The following SPECC1 variants were observed in gnomAD, a reference collection of about 807,000 sequenced individuals.
The protein encoded by SPECC1 is sperm antigen with calponin homology and coiled-coil domains 1.
Under a neutral mutation model 104.1 loss-of-function variants are expected in SPECC1, and 62 were observed. That is an observed-to-expected ratio of 0.60 (90% CI 0.49 to 0.74). The LOEUF (loss-of-function observed/expected upper bound fraction) is 0.74. SPECC1 is among the 30% of genes least tolerant of loss of function. SPECC1 has a pLI of 0.00. For synonymous variants in SPECC1, 513 were observed against 501.6 expected (o/e 1.02, Z -0.30); for missense variants, 1,306 against 1,310.5 (o/e 1.00, Z 0.05).
At chr17:20,297,737 G>A (rs2142039298) in intron 13 of SPECC1, among the ~76,000 whole-genome samples, 1 of 152,284 alleles carries the variant, frequency 6.6e-6, no homozygotes, top group East Asian at 1.9e-4. Context: ...TGGGACAGCA[G>A]TTTGCCAACC....
At chr17:20,164,496 G>A (rs1220410135) in intron 3 of SPECC1, among the ~76,000 whole-genome samples, 1 of 151,578 alleles carries the variant, frequency 6.6e-6, no homozygotes, top group Non-Finnish European at 1.5e-5. Flanking sequence ...GTTTGCTGAG[G>A]TTTTTTTTAA....
Position 20,110,616 on chromosome 17 carries a change from A to C in SPECC1, c.283+54A>C. The C allele has an allele frequency of 2.6e-6, 4 of 1,545,104 alleles. No homozygotes were observed. In the South Asian group the frequency reaches 4.9e-5, roughly 19 times the overall value. ...CAGGCCATCAGTCCTGGCCGCATGG[A>C]AGCACTTCAGTGACCCATGACCCAT... On this transcript the variant is annotated intron_variant, in intron 3 of 14. Coordinates refer to ENST00000395527, the MANE Select transcript of SPECC1 (RefSeq NM_001243439.2).
intron 7 of SPECC1, among the ~76,000 whole-genome samples, chr17:20,234,231 C>CT (rs1218964328): frequency 6.6e-6 from 1 of 152,146 alleles, no homozygotes. Context: ...ACCTCCCAAT[C>CT]TAACAGTTTA....
chr17:20,129,486 C>A (rs2049494878), intron 3 of SPECC1, among the ~76,000 whole-genome samples: 5 of 152,092 alleles, frequency 3.3e-5, no homozygotes, highest in Admixed American at 2.6e-4. Flanking sequence ...CCGCGCCCAG[C>A]CAGATTTCTT....
intron 1 of SPECC1, among the ~76,000 whole-genome samples, chr17:20,081,712 G>T (rs1222205471): frequency 2.6e-5 from 4 of 152,120 alleles, no homozygotes; most frequent in Non-Finnish European, 5.9e-5. Context: ...GAGCCCACGG[G>T]TGCAGCGTTC....
At chr17:20,216,878 G>A (rs1289672969) in intron 4 of SPECC1, among the ~76,000 whole-genome samples, 2 of 152,190 alleles carry the variant, frequency 1.3e-5, no homozygotes, top group Non-Finnish European at 2.9e-5. Flanking sequence ...GAGCTGGCCA[G>A]TCAGACATGT....
chr17:20,104,931 T>C (rs984677871), intron 2 of SPECC1, among the ~76,000 whole-genome samples: 14 of 152,152 alleles, frequency 9.2e-5, no homozygotes, highest in Admixed American at 6.5e-4. Context: ...AAGATGCTTC[T>C]GTTGCTGCCA....
At chr17:20,015,582 C>CTTT (rs1469162594) in intron 1 of SPECC1, among the ~76,000 whole-genome samples, 22 of 81,050 alleles carry the variant, frequency 2.7e-4, no homozygotes, top group African/African-American at 8.4e-4. Context: ...TTCCGGGTCT[C>CTTT]TATTTTTTTT....
chr17:20,190,303 T>C (rs1436283992), intron 3 of SPECC1, among the ~76,000 whole-genome samples: 2 of 152,170 alleles, frequency 1.3e-5, no homozygotes, highest in African/African-American at 2.4e-5. Context: ...AACATTCATA[T>C]TTCTTTTTCC....
chr17:20,015,952 C>T (rs1006411309), intron 1 of SPECC1, among the ~76,000 whole-genome samples: 2 of 149,442 alleles, frequency 1.3e-5, no homozygotes, highest in African/African-American at 2.5e-5. Flanking sequence ...TGGCTCACGT[C>T]TGTAATCCCA....
intron 12 of SPECC1, among the ~76,000 whole-genome samples, chr17:20,287,149 T>C (rs577796950): frequency 6.6e-6 from 1 of 151,986 alleles, no homozygotes; most frequent in Admixed American, 6.6e-5. Flanking sequence ...CGGGCGCGGG[T>C]GCTCACGCCT....
chr17:20,143,615 C>T (rs563779229), intron 3 of SPECC1, among the ~76,000 whole-genome samples: 17 of 151,502 alleles, frequency 1.1e-4, no homozygotes, highest in East Asian at 3.9e-4. Context: ...ACCTGGGAGG[C>T]GGAGGTTGAG....
At chr17:20,169,881 C>T (rs995923683) in intron 3 of SPECC1, among the ~76,000 whole-genome samples, 2 of 152,054 alleles carry the variant, frequency 1.3e-5, no homozygotes, top group African/African-American at 2.4e-5. Flanking sequence ...GCTTTAGGTA[C>T]GGGATTTCTA....
Position 20,257,787 on chromosome 17 carries a change from G to A in SPECC1, c.2837+180G>A, listed in dbSNP as rs916785414. Among the ~76,000 whole-genome samples the A allele has an allele frequency of 5.3e-5, 8 of 152,294 alleles. No individual in the cohort carries two copies. The South Asian group carries it at 8.3e-4, about 16-fold the overall frequency. On this transcript the variant is annotated intron_variant, in intron 11 of 14. Transcript: ENST00000395527. ...GGATGACAGTGGATAGTAGTAGTGC[G>A]CAAAATGGAATTAAGGGCTGTAAAA...
intron 4 of SPECC1, among the ~76,000 whole-genome samples, chr17:20,210,054 T>G (rs2151378008): frequency 6.6e-6 from 1 of 152,312 alleles, no homozygotes; most frequent in African/African-American, 2.4e-5. Flanking sequence ...AAATGACTAG[T>G]GTTCTGCTTG....
chr17:20,149,193 AAGG>A (rs1160900045), intron 3 of SPECC1, among the ~76,000 whole-genome samples: 9 of 152,300 alleles, frequency 5.9e-5, no homozygotes, highest in African/African-American at 1.7e-4. Flanking sequence ...TACAAACAGA[AAGG>A]AGGCAACGTG....
chr17:20,108,785 T>G (rs2048348268), intron 2 of SPECC1, among the ~76,000 whole-genome samples: 1 of 152,252 alleles, frequency 6.6e-6, no homozygotes, highest in South Asian at 2.1e-4. Context: ...GAGGGACCTA[T>G]GTACTTGCTT....
rs536795367 is a variant in SPECC1, at chr17:20,080,021, T to C, written c.-21-16610T>C. Among the ~76,000 whole-genome samples, 7 of 152,348 alleles carry C rather than the reference T, an allele frequency of 4.6e-5. No homozygotes were observed. The East Asian group carries it at 1.3e-3, about 29-fold the overall frequency. On this transcript the variant is annotated intron_variant, in intron 1 of 14. Coordinates refer to ENST00000395527, the MANE Select transcript of SPECC1 (RefSeq NM_001243439.2). ...CCAGATTTTAGTTCTTTAATGCCTC[T>C]TTTCACAGTTGTTGCCATTGTCAAC...
chr17:20,088,526 C>T (rs4924804), intron 1 of SPECC1, among the ~76,000 whole-genome samples: 82,354 of 151,548 alleles, frequency 0.54, 22,899 homozygotes, highest in Middle Eastern at 0.62. Flanking sequence ...GGGAGTATCT[C>T]ATCAGAAAGG....
Sources: allele counts gnomAD v4.1 joint callset (sites outside exome capture counted in the v4.1 genomes callset), GRCh38; gene constraint gnomAD v4.1.1; transcripts MANE v1.5; gene names NCBI Gene and HGNC (gene_info 2026-07-23, HGNC 2026-07-21).